The following FCAMR variants were observed in gnomAD, a reference collection of about 807,000 sequenced individuals.
The protein encoded by FCAMR is high affinity immunoglobulin alpha and immunoglobulin mu Fc receptor.
Under a neutral mutation model 52.2 loss-of-function variants are expected in FCAMR, and 51 were observed. The ratio of observed to expected loss-of-function variants is 0.98; its 90% CI spans 0.78 to 1.23. The LOEUF is 1.23. Among genes scored for constraint, FCAMR ranks in the 50% most tolerant of loss-of-function variants. The probability of loss-of-function intolerance (pLI) is 0.00; values close to 1 mark genes in which losing one functional copy is unlikely to be tolerated. For missense variants in FCAMR, 719 were observed against 712.6 expected, an observed-to-expected ratio of 1.01 and a Z score of -0.10; for synonymous variants, 282 against 262.0, an observed-to-expected ratio of 1.08 and a Z score of -0.74.
At chr1:206,966,588 G>A (rs1411271317) in intron 3 of FCAMR, among the ~76,000 whole-genome samples, 5 of 152,140 alleles carry the variant, frequency 3.3e-5, no homozygotes, top group African/African-American at 1.2e-4. Context: ...GTTTCACCAT[G>A]TTGCTCTGGC....
Position 206,961,204 on chromosome 1 carries a change from G to A in FCAMR, c.672C>T (p.Pro224=). The part of the protein sequence containing the change: ...TISAGPASTL[P]TATPAAGELT... ...GCTCCCCAGCAGCTGGAGTGGCTGTGGGGAGGGTGCTGGCGGGACCTGTGT... is the reference window on the plus strand; with the variant it reads ...GCTCCCCAGCAGCTGGAGTGGCTGTAGGGAGGGTGCTGGCGGGACCTGTGT... Residue 224 remains proline, a synonymous_variant, in exon 6 of 8, where the codon CCC becomes CCT. Coordinates refer to ENST00000324852, the MANE Select transcript of FCAMR (RefSeq NM_001170631.2). 6 of 1,550,056 alleles carry A rather than the reference G, an allele frequency of 3.9e-6. No individual in the cohort carries two copies. Among genetic ancestry groups the A allele is most frequent in the African/African-American group, 1.4e-5 (1 of 73,120 alleles).
At position 206,967,587 on chromosome 1, in the gene FCAMR, G is replaced by C; in HGVS notation, c.104C>G (p.Ser35Cys). 6.2e-7 allele frequency: 1 copy of C among 1,614,128 alleles called. No individual in the cohort carries two copies. Among genetic ancestry groups the C allele is most frequent in the South Asian group, 1.1e-5 (1 of 91,084 alleles). Residue 35 changes from serine (S) to cysteine (C), a missense_variant, in exon 2 of 8, where the codon TCT becomes TGT. Ser to Cys is a moderately radical substitution (Grantham distance 112). Transcript: ENST00000324852. ...SRLIAGTLPQ[S>C]HVTSRRAGWK... ...GGTTGTTGTTACACAACTTACGTGA[G>C]ATTGTGGTAAAGTGCCAGCAATGAG...
intron 1 of FCAMR, among the ~76,000 whole-genome samples, chr1:206,967,855 T>C (rs922645291): frequency 5.3e-5 from 8 of 152,224 alleles, no homozygotes; most frequent in African/African-American, 1.9e-4. Context: ...CACTGTGGTC[T>C]CTCCCACTGG....
intron 5 of FCAMR, among the ~76,000 whole-genome samples, chr1:206,961,939 G>A (rs1412372857): frequency 6.6e-6 from 1 of 152,334 alleles, no homozygotes. Flanking sequence ...TCTTGGAGCC[G>A]TCTCCAAATA....
At chr1:206,969,351 A>T in intron 1 of FCAMR, 1 of 455,330 alleles carries the variant, frequency 2.2e-6, no homozygotes, top group Non-Finnish European at 4.4e-6. Context: ...ATCAGCTTTG[A>T]TTGGAGGCTG....
Position 206,962,534 on chromosome 1 carries a change from C to A in FCAMR, c.331G>T (p.Gly111Cys), listed in dbSNP as rs763708941. The A allele has an allele frequency of 1.5e-5, 23 of 1,565,542 alleles. 1 individual carries two copies. The South Asian group carries it at 2.7e-4, about 18-fold the overall frequency. The change falls in exon 5 of 8, where the codon GGC (glycine) becomes TGC (cysteine). Residue 111 changes from glycine to cysteine, a missense_variant. Gly to Cys is a radical substitution (Grantham distance 159, BLOSUM62 -3). Coordinates refer to ENST00000324852, the MANE Select transcript of FCAMR (RefSeq NM_001170631.2). ...SSFAAPNSLK[G>C]SRLVSGEPGG... ...GGCTCCCCTGACACCAGCCTTGAGCCCTTCAATGAATTTGGAGCTGCAGAC... is the reference window on the plus strand; with the variant it reads ...GGCTCCCCTGACACCAGCCTTGAGCACTTCAATGAATTTGGAGCTGCAGAC...
intron 1 of FCAMR, among the ~76,000 whole-genome samples, 155 bp downstream of exon 1, chr1:206,969,932 A>G (rs761712938): frequency 5.9e-5 from 9 of 152,072 alleles, no homozygotes; most frequent in Non-Finnish European, 1.0e-4. Flanking sequence ...GGGAGCCCCT[A>G]TGTTCTGGAC....
rs541778826 is a variant in FCAMR at position 206,964,285 on chromosome 1, T to C, written c.313+1430A>G. On this transcript the variant is annotated intron_variant, in intron 4 of 7. Transcript: ENST00000324852. ...GTGTCTTTCTACAGCCCTGTACATG[T>C]GGTTCAACATCTTGCGGTAGGATGT... is the stretch of plus-strand genomic sequence containing the variant. Among the ~76,000 whole-genome samples the C allele has an allele frequency of 2.6e-4, 39 of 152,282 alleles. No individual in the cohort carries two copies. The South Asian group carries it at 8.1e-3, about 32-fold the overall frequency.
intron 1 of FCAMR, 106 bp downstream of exon 1, chr1:206,969,981 C>G: frequency 2.1e-6 from 3 of 1,421,204 alleles, no homozygotes; most frequent in Non-Finnish European, 2.9e-6. Context: ...AGGAGCCCAC[C>G]TGCTCTGGGA....
chr1:206,965,472 C>T (rs1342176600), intron 4 of FCAMR, among the ~76,000 whole-genome samples: 2 of 152,172 alleles, frequency 1.3e-5, no homozygotes, highest in Admixed American at 6.5e-5. Context: ...GAATTCAAGA[C>T]CAGGCCAGCA....
intron 3 of FCAMR, among the ~76,000 whole-genome samples, chr1:206,966,261 C>T (rs1246075699): frequency 6.7e-6 from 1 of 148,444 alleles, no homozygotes; most frequent in Non-Finnish European, 1.5e-5. Context: ...TATTACTTAG[C>T]AGAAAAATCA....
At chr1:206,959,605 A>G (rs979014475) in intron 7 of FCAMR, 74 bp downstream of exon 7, 35 of 1,201,992 alleles carry the variant, frequency 2.9e-5, no homozygotes, top group Admixed American at 2.2e-4. Flanking sequence ...GCAGGACTCT[A>G]CCCCTACCCA....
At position 206,958,390 on chromosome 1, in the gene FCAMR, A is replaced by G; in HGVS notation, c.*126T>C. ...CAGCCAGCCTTTCTTCCATGGGTGGAGCACCGGCTGCATCAGCTTCTCTTC... is the reference window on the plus strand; with the variant it reads ...CAGCCAGCCTTTCTTCCATGGGTGGGGCACCGGCTGCATCAGCTTCTCTTC... On this transcript the variant is annotated 3_prime_UTR_variant, in exon 8 of 8. Coordinates refer to ENST00000324852, the MANE Select transcript of FCAMR (RefSeq NM_001170631.2). 5 of 1,096,406 alleles carry G rather than the reference A, an allele frequency of 4.6e-6. 1 individual carries two copies. In the South Asian group the frequency reaches 8.5e-5, roughly 19 times the overall value. The allele number at this position is 1,096,406 out of a possible 1,614,324, so 67.9% of individuals were successfully genotyped here. A position where few individuals can be genotyped will look rare whatever the true frequency, so the allele number is the denominator to read the frequency against.
chr1:206,969,492 C>T (rs1770370), intron 1 of FCAMR: 6 of 335,362 alleles, frequency 1.8e-5, no homozygotes, highest in East Asian at 1.7e-4. Context: ...CTGCACACTG[C>T]GTTTTAGGGG....
At chr1:206,960,089 G>A (rs1680441610) in intron 6 of FCAMR, 1 of 503,550 alleles carries the variant, frequency 2.0e-6, no homozygotes, top group South Asian at 3.1e-5. Flanking sequence ...CTCAGCACTG[G>A]GCTCTGCCAC....
At chr1:206,965,626 G>T in intron 4 of FCAMR, 89 bp downstream of exon 4, 1 of 1,420,702 alleles carries the variant, frequency 7.0e-7, no homozygotes, top group Non-Finnish European at 9.4e-7. Flanking sequence ...GGCTAGGGCT[G>T]CCTATAGCTG....
In FCAMR at chr1:206,967,066, A is replaced by G; in HGVS notation, c.155T>C (p.Leu52Pro). The G allele has an allele frequency of 6.2e-7, 1 of 1,613,964 alleles. No individual in the cohort carries two copies. Among genetic ancestry groups the G allele is most frequent in the Non-Finnish European group, 8.5e-7 (1 of 1,180,008 alleles). Residue 52 changes from leucine to proline, a missense_variant, in exon 3 of 8, where the codon CTG becomes CCG. Physicochemically the swap from Leu to Pro is moderately conservative, Grantham distance 98. Transcript: ENST00000324852. Reference sequence around the variant, plus strand: ...TTGGGACTCACCTTGTAGCAGGCACAGTATGAGGAAGAGGGGCATTTTCCA... The same window carrying G: ...TTGGGACTCACCTTGTAGCAGGCACGGTATGAGGAAGAGGGGCATTTTCCA... ...AGWKMPLFLI[L>P]CLLQGSSFAL...
chr1:206,962,638 T>C, intron 4 of FCAMR, 87 bp from the exon 5 acceptor site: 1 of 1,162,330 alleles, frequency 8.6e-7, no homozygotes, highest in Non-Finnish European at 1.2e-6. Flanking sequence ...TCTGCCAGAA[T>C]TAGGGGTCAA....
chr1:206,970,202 T>C lies in FCAMR; in HGVS notation c.-77A>G, dbSNP rs1446158967. 4 of 1,548,152 alleles carry C rather than the reference T, an allele frequency of 2.6e-6. No individual in the cohort carries two copies. Among genetic ancestry groups the C allele is most frequent in the South Asian group, 1.1e-5 (1 of 88,942 alleles). On this transcript the variant is annotated 5_prime_UTR_variant, in exon 1 of 8. Coordinates refer to ENST00000324852, the MANE Select transcript of FCAMR (RefSeq NM_001170631.2). ...AGGTGTTTGGACGACTTCTAGTTGC[T>C]CTCCTTTAAACCTGGAGACTGAGAA...
Sources: allele counts gnomAD v4.1 joint callset (sites outside exome capture counted in the v4.1 genomes callset), GRCh38; gene constraint gnomAD v4.1.1; transcripts MANE v1.5; gene names NCBI Gene and HGNC (gene_info 2026-07-23, HGNC 2026-07-21).